NAPSA: variants seen among roughly 807,000 people sequenced by gnomAD.
NAPSA encodes napsin A aspartic peptidase.
A neutral mutation model predicts 36.7 loss-of-function variants in NAPSA; 37 were observed. That is an observed-to-expected ratio of 1.01 (90% CI 0.78 to 1.33). The LOEUF (loss-of-function observed/expected upper bound fraction) is 1.33, where lower values mean the gene tolerates loss of function less well. NAPSA is among the 40% of genes most tolerant of loss of function. The probability of loss-of-function intolerance (pLI) is 0.00; values close to 1 mark genes in which losing one functional copy is unlikely to be tolerated. For synonymous variants in NAPSA, 222 were observed against 234.5 expected, an observed-to-expected ratio of 0.95 and a Z score of 0.49; for missense variants, 532 against 543.8, an observed-to-expected ratio of 0.98 and a Z score of 0.21.
chr19:50,366,353 G>A (rs1263848745), upstream of NAPSA, among the ~76,000 whole-genome samples: 1 of 152,138 alleles, frequency 6.6e-6, no homozygotes, highest in East Asian at 1.9e-4. Context: ...GCCCGCCTCA[G>A]CCTCCTAAAG....
intron 8 of NAPSA, 66 bp downstream of exon 8, chr19:50,358,943 GTC>G (rs1281526930): frequency 7.0e-6 from 10 of 1,433,878 alleles, no homozygotes; most frequent in East Asian, 2.3e-5. Flanking sequence ...TCCTAGTGAC[GTC>G]TCTCAGCTCT....
At chr19:50,360,792 T>C in intron 5 of NAPSA, 149 bp downstream of exon 5, 2 of 748,172 alleles carry the variant, frequency 2.7e-6, no homozygotes, top group South Asian at 1.9e-5. Context: ...ATGCAACTTC[T>C]TGTATTGAAT....
chr19:50,367,549 C>CCTCTCTCTCT (rs779681679), upstream of NAPSA, among the ~76,000 whole-genome samples: 656 of 133,050 alleles, frequency 4.9e-3, 3 homozygotes, highest in African/African-American at 0.012. Flanking sequence ...TCTCTCTCTC[C>CCTCTCTCTCT]CTCTCTCTCT....
intron 1 of NAPSA, among the ~76,000 whole-genome samples, chr19:50,364,600 GTGAGACT>G: frequency 2.2e-5 from 3 of 135,714 alleles, no homozygotes; most frequent in Admixed American, 7.5e-5. Flanking sequence ...GGGCAACAGA[GTGAGACT>G]CAGTCTCAAA....
chr19:50,365,421 A>C (rs891330805), intron 1 of NAPSA, 118 bp downstream of exon 1: 1 of 882,486 alleles, frequency 1.1e-6, no homozygotes, highest in Non-Finnish European at 1.8e-6. Flanking sequence ...GCTGAGAAAG[A>C]AGCTCTAGGG....
chr19:50,366,563 C>T (rs2037551802), upstream of NAPSA, among the ~76,000 whole-genome samples: 1 of 152,022 alleles, frequency 6.6e-6, no homozygotes, highest in African/African-American at 2.4e-5. Context: ...TCCTTGGTGG[C>T]TTATTTGATT....
In NAPSA at chr19:50,358,557, C is replaced by G. The variant is rs1199382142; in HGVS notation, c.1259G>C (p.Gly420Ala). 1 of 1,592,204 alleles carries G rather than the reference C, an allele frequency of 6.3e-7. No homozygotes were observed. Among genetic ancestry groups the G allele is most frequent in the Non-Finnish European group, 8.5e-7 (1 of 1,169,684 alleles). Residue 420 changes from glycine (G) to alanine (A), a missense_variant, in exon 9 of 9, where the codon GGG (glycine) becomes GCG (alanine). Transcript: ENST00000253719. ...WGETAQAQFP[G>A] ...CGCATGCGCTTCACTTGGGCGTCAC[C>G]CGGGGAACTGCGCCTGCGCAGTCTC... is the stretch of plus-strand genomic sequence containing the variant.
chr19:50,359,655 G>T lies in NAPSA; in HGVS notation c.792-8C>A. The T allele has an allele frequency of 6.2e-7, 1 of 1,614,230 alleles. No homozygotes were observed. Among genetic ancestry groups the T allele is most frequent in the Non-Finnish European group, 8.5e-7 (1 of 1,180,048 alleles). On this transcript the variant is annotated splice_region_variant and splice_polypyrimidine_tract_variant and intron_variant, in intron 6 of 8. Transcript: ENST00000253719. ...CCTGGGCCCACCTTCACACTGAGGGGGAAGGAGGCAGTCATCAGAGGCAGG... is the reference window on the plus strand; with the variant it reads ...CCTGGGCCCACCTTCACACTGAGGGTGAAGGAGGCAGTCATCAGAGGCAGG...
chr19:50,363,941 C>G (rs1325456821), intron 1 of NAPSA, among the ~76,000 whole-genome samples: 1 of 152,050 alleles, frequency 6.6e-6, no homozygotes, highest in Admixed American at 6.6e-5. Flanking sequence ...ATCTGGGGCT[C>G]GAAGATGGGA....
chr19:50,366,272 G>A (rs2037548697), upstream of NAPSA, among the ~76,000 whole-genome samples: 1 of 151,006 alleles, frequency 6.6e-6, no homozygotes, highest in African/African-American at 2.4e-5. Context: ...CACTAATTTT[G>A]TAGTTTTAGT....
At chr19:50,360,304 G>C (rs1473236095) in intron 5 of NAPSA, among the ~76,000 whole-genome samples, 1 of 152,158 alleles carries the variant, frequency 6.6e-6, no homozygotes, top group Admixed American at 6.5e-5. Flanking sequence ...ATGGGAACAG[G>C]GATGGAGACT....
chr19:50,361,140 T>C lies in NAPSA; in HGVS notation c.469A>G (p.Ile157Val), dbSNP rs1237515329. ...DGILSEDKLT[I>V]GGIKGASVIF... ...ACTGATGCACCCTTGATTCCACCAATCTAGGGGTAGATTGAGATGTGACCA... is the reference window on the plus strand; with the variant it reads ...ACTGATGCACCCTTGATTCCACCAACCTAGGGGTAGATTGAGATGTGACCA... Residue 157 changes from isoleucine to valine, a missense_variant and splice_region_variant, in exon 5 of 9, where the codon ATT becomes GTT. Physicochemically the swap from Ile to Val is conservative, Grantham distance 29 (BLOSUM62 3). Coordinates refer to ENST00000253719, the MANE Select transcript of NAPSA (RefSeq NM_004851.3). 6.2e-7 allele frequency: 1 copy of C among 1,613,072 alleles called. No individual in the cohort carries two copies. Among genetic ancestry groups the C allele is most frequent in the Non-Finnish European group, 8.5e-7 (1 of 1,179,770 alleles).
chr19:50,361,678 G>A lies in NAPSA; in HGVS notation c.453C>T (p.Ser151=), dbSNP rs773392864. 2.5e-5 allele frequency: 40 copies of A among 1,613,482 alleles called. No homozygotes were observed. Among genetic ancestry groups the A allele is most frequent in the African/African-American group, 8.0e-5 (6 of 74,860 alleles). Residue 151 remains serine (S), a synonymous_variant, in exon 4 of 9, where the codon AGC becomes AGT. Coordinates refer to ENST00000253719, the MANE Select transcript of NAPSA (RefSeq NM_004851.3). ...YGTGRVDGIL[S]EDKLTIGGIK... ...GGCCACTCACAGTCAGCTTGTCCTC[G>A]CTCAGGATTCCATCTACCCGCCCAG... is the stretch of plus-strand genomic sequence containing the variant.
chr19:50,358,858 C>G (rs1170894765), intron 8 of NAPSA, 78 bp from the exon 9 acceptor site: 8 of 1,406,914 alleles, frequency 5.7e-6, no homozygotes, highest in Non-Finnish European at 2.9e-6. Flanking sequence ...CCATCCCCCC[C>G]ACCCTCGGGT....
At chr19:50,362,888 G>T (rs927443960) in intron 1 of NAPSA, 1 of 152,216 alleles carries the variant, frequency 6.6e-6, no homozygotes, top group Non-Finnish European at 1.5e-5. Context: ...CTGAGTGTTT[G>T]CAACCCTTGA....
At position 50,362,187 on chromosome 19, in the gene NAPSA, G is replaced by C; in HGVS notation, c.210C>G (p.Leu70=). 6.2e-7 allele frequency: 1 copy of C among 1,613,698 alleles called. No individual in the cohort carries two copies. The highest frequency in any genetic ancestry group is 1.1e-5 in the South Asian group (1 of 91,006). The change falls in exon 2 of 9, where the codon CTC becomes CTG. Residue 70 remains leucine, a synonymous_variant. Coordinates refer to ENST00000253719, the MANE Select transcript of NAPSA (RefSeq NM_004851.3). The stretch of plus-strand genomic sequence containing the variant: ...TGTGACTCACATCCCTGTAGTTCGA[G>C]AGAGGTACGAAGATGGGCTTGTCCC... ...SPGDKPIFVP[L]SNYRDVQYFG...
In NAPSA at chr19:50,358,670, C is replaced by T. The variant is rs1245580095; in HGVS notation, c.1146G>A (p.Val382=). The change falls in exon 9 of 9, where the codon GTG becomes GTA. Residue 382 remains valine, a synonymous_variant. Coordinates refer to ENST00000253719, the MANE Select transcript of NAPSA (RefSeq NM_004851.3). ...TCATGTCCCCGCGGTCGAAGACGGC[C>T]ACATACGTCCCCAAGAAGACGTCAC... ...ILGDVFLGTY[V]AVFDRGDMKS... is the part of the protein sequence containing the mutation. 1 of 1,613,336 alleles carries T rather than the reference C, an allele frequency of 6.2e-7. No homozygotes were observed. The highest frequency in any genetic ancestry group is 8.5e-7 in the Non-Finnish European group (1 of 1,179,970).
intron 1 of NAPSA, among the ~76,000 whole-genome samples, chr19:50,365,174 A>G (rs1196528688): frequency 6.6e-6 from 1 of 151,350 alleles, no homozygotes; most frequent in African/African-American, 2.4e-5. Flanking sequence ...TCTCTACTAA[A>G]AATACAAAAA....
In NAPSA at chr19:50,361,710, A is replaced by G. The variant is rs1387385837; in HGVS notation, c.421T>C (p.Tyr141His). 1.2e-6 allele frequency: 2 copies of G among 1,614,024 alleles called. No homozygotes were observed. Among genetic ancestry groups the G allele is most frequent in the South Asian group, 1.1e-5 (1 of 91,068 alleles). Reference sequence around the variant, plus strand: ...ATTCCATCTACCCGCCCAGTTCCATATTGAATGGCAAACTTGGTCCCATTG... The same window carrying G: ...ATTCCATCTACCCGCCCAGTTCCATGTTGAATGGCAAACTTGGTCCCATTG... Reference protein sequence around the residue: ...QANGTKFAIQYGTGRVDGILS... With the variant: ...QANGTKFAIQHGTGRVDGILS... Residue 141 changes from tyrosine (Y) to histidine (H), a missense_variant, in exon 4 of 9, where the codon TAT becomes CAT. By Grantham distance (83) the Tyr-to-His change is moderately conservative (BLOSUM62 2). Around this residue, in one of 3 missense-constraint regions of NAPSA, gnomAD observed 45 missense variants for 78.7 expected, o/e 0.57. Coordinates refer to ENST00000253719, the MANE Select transcript of NAPSA (RefSeq NM_004851.3).
Sources: gnomAD v4.1 joint callset for allele counts (sites outside exome capture counted in the v4.1 genomes callset) on GRCh38, gnomAD v4.1.1 for gene constraint, gnomAD v4.1.1 regional missense constraint, MANE v1.5 for transcripts, NCBI Gene and HGNC (gene_info 2026-07-23, HGNC 2026-07-21) for gene names.